TIRAP: variants seen among roughly 807,000 people sequenced by gnomAD.
TIRAP encodes the protein toll/interleukin-1 receptor domain-containing adapter protein.
Under a neutral mutation model 19.8 loss-of-function variants are expected in TIRAP, and 20 were observed. That is an observed-to-expected ratio of 1.01 (90% CI 0.71 to 1.47). TIRAP has a LOEUF of 1.47. TIRAP is among the 40% of genes most tolerant of loss of function. TIRAP has a pLI of 0.00. For missense variants in TIRAP, 276 were observed against 285.1 expected, an observed-to-expected ratio of 0.97 and a Z score of 0.23; for synonymous variants, 125 against 121.7, an observed-to-expected ratio of 1.03 and a Z score of -0.18.
intron 1 of TIRAP, among the ~76,000 whole-genome samples, chr11:126,284,966 A>G (rs1373791814): frequency 6.6e-6 from 1 of 151,942 alleles, no homozygotes; most frequent in African/African-American, 2.4e-5. Flanking sequence ...CTCCACCGGC[A>G]GTGTTCGAGT....
chr11:126,286,883 C>T (rs983309819), intron 1 of TIRAP, among the ~76,000 whole-genome samples: 1 of 152,194 alleles, frequency 6.6e-6, no homozygotes, highest in African/African-American at 2.4e-5. Context: ...TCTGAAGGCT[C>T]CAGGAAAGAA....
rs957739854 is a variant in TIRAP at position 126,291,088 on chromosome 11, C to G, written c.67+127C>G. On this transcript the variant is annotated intron_variant, in intron 3 of 4. Coordinates refer to ENST00000392679, the MANE Select transcript of TIRAP (RefSeq NM_001318777.2). The surrounding 1 kb of genome is among the most constrained non-coding windows in gnomAD (Gnocchi z 5.6). ...GCAGGAAGGCTGACGTGGGGAACTC[C>G]TGACCTGAATTCAGGGCCTGGATGC... 1 of 1,187,936 alleles carries G rather than the reference C, an allele frequency of 8.4e-7. No homozygotes were observed. The highest frequency in any genetic ancestry group is 1.2e-6 in the Non-Finnish European group (1 of 858,694). The allele number at this position is 1,187,936 out of a possible 1,614,324, so 73.6% of individuals were successfully genotyped here.
Position 126,287,468 on chromosome 11 carries a change from GCAC to G in TIRAP, c.-216-2987_-216-2985del, listed in dbSNP as rs2135285677. On this transcript the variant is annotated intron_variant, in intron 1 of 4. Coordinates refer to ENST00000392679, the MANE Select transcript of TIRAP (RefSeq NM_001318777.2). This position sits in a 1 kb window ranked among gnomAD's most constrained non-coding sequence, Gnocchi z 4.2. ...CCTGAGCAGCTGGGATTACAGGCAC[GCAC>G]CACCACGCTTAGCTAATTTTTGTAT... Among the ~76,000 whole-genome samples the G allele has an allele frequency of 6.6e-6, 1 of 151,970 alleles. No homozygotes were observed. Among genetic ancestry groups the G allele is most frequent in the South Asian group, 2.1e-4 (1 of 4,816 alleles).
In TIRAP at chr11:126,290,606, C is replaced by T; in HGVS notation, c.-93+21C>T. 8.4e-7 allele frequency: 1 copy of T among 1,196,094 alleles called. No homozygotes were observed. The highest frequency in any genetic ancestry group is 1.0e-6 in the Non-Finnish European group (1 of 964,442). The allele number at this position is 1,196,094 out of a possible 1,614,324, so 74.1% of individuals were successfully genotyped here. ...ACCCTGTAAGTCTGACCACACTACA[C>T]AGCTTTGGCTTTATCTAGAATCCAG... On this transcript the variant is annotated intron_variant, in intron 2 of 4. Coordinates refer to ENST00000392679, the MANE Select transcript of TIRAP (RefSeq NM_001318777.2). The surrounding 1 kb of genome is among the most constrained non-coding windows in gnomAD (Gnocchi z 4.9).
intron 3 of TIRAP, among the ~76,000 whole-genome samples, chr11:126,292,259 G>C (rs1477514277): frequency 1.4e-5 from 2 of 143,110 alleles, no homozygotes; most frequent in Non-Finnish European, 3.0e-5. Context: ...AGCCAAGATC[G>C]CACCACTGTA....
chr11:126,294,684 A>G lies in TIRAP; in HGVS notation c.*997A>G, dbSNP rs1000339157. ...GAAATGAATTTCATTATTTCCTCCA[A>G]TGTGTACTTTTGTGCCCCCCTCTCA... On this transcript the variant is annotated 3_prime_UTR_variant, in exon 5 of 5. Coordinates refer to ENST00000392679, the MANE Select transcript of TIRAP (RefSeq NM_001318777.2). 12 of 384,752 alleles carry G rather than the reference A, an allele frequency of 3.1e-5. No homozygotes were observed. Among genetic ancestry groups the G allele is most frequent in the African/African-American group, 2.5e-4 (12 of 48,342 alleles). The allele number at this position is 384,752 out of a possible 1,614,324, so 23.8% of individuals were successfully genotyped here.
chr11:126,292,186 C>A (rs548259823), intron 3 of TIRAP, among the ~76,000 whole-genome samples: 1 of 151,676 alleles, frequency 6.6e-6, no homozygotes, highest in South Asian at 2.1e-4. Flanking sequence ...TGCCTGTAAT[C>A]CCAGCTACTC....
intron 1 of TIRAP, among the ~76,000 whole-genome samples, chr11:126,284,685 C>G (rs1311384031): frequency 6.6e-6 from 1 of 151,906 alleles, no homozygotes; most frequent in Non-Finnish European, 1.5e-5. Context: ...GAAACCCCGT[C>G]TCTACTAAAA....
In TIRAP at chr11:126,292,661, AGACTATGACGTCTGC is replaced by A. The variant is rs1300165448; in HGVS notation, c.254_268del (p.Asp85_Cys89del). On this transcript the variant is annotated inframe_deletion, in exon 4 of 5. Coordinates refer to ENST00000392679, the MANE Select transcript of TIRAP (RefSeq NM_001318777.2). ...ACAGTGGCAGTAGTCGCTGGAGCAA[AGACTATGACGTCTGC>A]GTGTGCCACAGTGAGGAAGACCTGG... The A allele has an allele frequency of 6.2e-7, 1 of 1,614,102 alleles. No individual in the cohort carries two copies. The highest frequency in any genetic ancestry group is 8.5e-7 in the Non-Finnish European group (1 of 1,179,990).
chr11:126,286,733 A>G (rs1254361778), intron 1 of TIRAP, among the ~76,000 whole-genome samples: 1 of 152,246 alleles, frequency 6.6e-6, no homozygotes, highest in Non-Finnish European at 1.5e-5. Context: ...TACTTTCTCC[A>G]TTCATTGGCC....
chr11:126,285,469 C>T (rs1165370527), intron 1 of TIRAP, among the ~76,000 whole-genome samples: 1 of 151,166 alleles, frequency 6.6e-6, no homozygotes, highest in Non-Finnish European at 1.5e-5. Flanking sequence ...ACCATGTTGG[C>T]CAGGCTGATC....
intron 1 of TIRAP, among the ~76,000 whole-genome samples, chr11:126,286,944 C>G (rs1019338227): frequency 6.6e-6 from 1 of 152,198 alleles, no homozygotes; most frequent in Non-Finnish European, 1.5e-5. Flanking sequence ...ATCCCACTGC[C>G]GCCTGCTTCC....
chr11:126,284,586 T>C (rs1951296172), intron 1 of TIRAP, among the ~76,000 whole-genome samples: 1 of 151,958 alleles, frequency 6.6e-6, no homozygotes, highest in South Asian at 2.1e-4. Flanking sequence ...CGGGGAACAG[T>C]GGCTCACACC....
Position 126,288,049 on chromosome 11 carries a change from C to T in TIRAP, c.-216-2413C>T, listed in dbSNP as rs191103683. Among the ~76,000 whole-genome samples, 21 of 151,722 alleles carry T rather than the reference C, an allele frequency of 1.4e-4. No homozygotes were observed. The highest frequency in any genetic ancestry group is 3.9e-4 in the Admixed American group (6 of 15,230). On this transcript the variant is annotated intron_variant, in intron 1 of 4. Transcript: ENST00000392679. This position sits in a 1 kb window ranked among gnomAD's most constrained non-coding sequence, Gnocchi z 5.0. ...GATTACAGGGGAGCACCAGCACACC[C>T]GGCTAAATTTTGTATTTTTAGTAGA...
intron 1 of TIRAP, among the ~76,000 whole-genome samples, chr11:126,285,365 G>A (rs891064655): frequency 2.0e-5 from 3 of 151,626 alleles, no homozygotes; most frequent in African/African-American, 7.3e-5. Context: ...AGGTTCAAGC[G>A]ATTCTCCTGC....
Position 126,294,368 on chromosome 11 carries a change from T to C in TIRAP, c.*681T>C. On this transcript the variant is annotated 3_prime_UTR_variant, in exon 5 of 5. Transcript: ENST00000392679. ...CTAGGTGCCATTAAAGACACAAACC[T>C]AGAAGCCTAGAGGCCATTCTGAATA... 1 of 365,372 alleles carries C rather than the reference T, an allele frequency of 2.7e-6. No individual in the cohort carries two copies. Among genetic ancestry groups the C allele is most frequent in the East Asian group, 7.3e-5 (1 of 13,622 alleles). The allele number at this position is 365,372 out of a possible 1,614,324, so 22.6% of individuals were successfully genotyped here.
Position 126,284,359 on chromosome 11 carries a change from G to A in TIRAP, c.-217+1206G>A, listed in dbSNP as rs1951292785. Among the ~76,000 whole-genome samples the A allele has an allele frequency of 2.0e-5, 3 of 152,100 alleles. No homozygotes were observed. In the South Asian group the frequency reaches 6.2e-4, roughly 31 times the overall value. On this transcript the variant is annotated intron_variant, in intron 1 of 4. Coordinates refer to ENST00000392679, the MANE Select transcript of TIRAP (RefSeq NM_001318777.2). ...CTTCATGTACTCTTACGTGTGTGAC[G>A]TCTGACATTCAGTATGTTTTGTGAT...
In TIRAP at chr11:126,291,092, C is replaced by A; in HGVS notation, c.67+131C>A. 8.7e-7 allele frequency: 1 copy of A among 1,148,118 alleles called. No homozygotes were observed. The highest frequency in any genetic ancestry group is 1.2e-6 in the Non-Finnish European group (1 of 823,766). The allele number at this position is 1,148,118 out of a possible 1,614,324, so 71.1% of individuals were successfully genotyped here. On this transcript the variant is annotated intron_variant, in intron 3 of 4. Transcript: ENST00000392679. This position sits in a 1 kb window ranked among gnomAD's most constrained non-coding sequence, Gnocchi z 5.6. ...GAAGGCTGACGTGGGGAACTCCTGA[C>A]CTGAATTCAGGGCCTGGATGCTTTG...
rs1362955179 is a variant in TIRAP, at chr11:126,294,749, TTTA to T, written c.*1068_*1070del. On this transcript the variant is annotated 3_prime_UTR_variant, in exon 5 of 5. Coordinates refer to ENST00000392679, the MANE Select transcript of TIRAP (RefSeq NM_001318777.2). ...GACCCCTCTTTTGCTGAAAAAAATT[TTTA>T]TTATTTTTTCTATCTCTAGTTCTAG... The T allele has an allele frequency of 2.7e-5, 8 of 296,560 alleles. No individual in the cohort carries two copies. The highest frequency in any genetic ancestry group is 4.7e-5 in the Non-Finnish European group (7 of 149,594). 18.4% of individuals were successfully genotyped at this position (296,560 alleles called of 1,614,324 possible).
Sources: allele counts gnomAD v4.1 joint callset (sites outside exome capture counted in the v4.1 genomes callset), GRCh38; gene constraint gnomAD v4.1.1; non-coding constraint Gnocchi (gnomAD v3.1); transcripts MANE v1.5; gene names NCBI Gene and HGNC (gene_info 2026-07-23, HGNC 2026-07-21).